Variants in VTA1 observed in about 807,000 individuals in gnomAD.
The protein encoded by VTA1 is vacuolar protein sorting-associated protein VTA1 homolog.
VTA1 carries 24 observed loss-of-function variants against 36.9 expected under a neutral mutation model. That is an observed-to-expected ratio of 0.65 (90% CI 0.47 to 0.91). The LOEUF (loss-of-function observed/expected upper bound fraction) is 0.91, where lower values mean the gene tolerates loss of function less well. Among genes scored for constraint, VTA1 ranks in the 40% least tolerant of loss-of-function variants. The pLI is 0.00. For synonymous variants in VTA1, 142 were observed against 130.2 expected, an observed-to-expected ratio of 1.09 and a Z score of -0.62; for missense variants, 393 against 377.2, an observed-to-expected ratio of 1.04 and a Z score of -0.35.
Position 142,223,185 on chromosome 6 carries a change from G to A in VTA1, c.*4542G>A, listed in dbSNP as rs1776140680. Reference sequence around the variant, plus strand: ...GACAGTGCTAGGCAGTGAACACAGGGTATGAACTTGAAAATCTGATTGCAC... The same window carrying A: ...GACAGTGCTAGGCAGTGAACACAGGATATGAACTTGAAAATCTGATTGCAC... On this transcript the variant is annotated 3_prime_UTR_variant, in exon 8 of 8. Coordinates refer to ENST00000367630, the MANE Select transcript of VTA1 (RefSeq NM_016485.5). The A allele has an allele frequency of 6.6e-6, 1 of 152,132 alleles. No individual in the cohort carries two copies. Among genetic ancestry groups the A allele is most frequent in the Non-Finnish European group, 1.5e-5 (1 of 68,032 alleles). The allele number at this position is 152,132 out of a possible 1,614,324, so 9.4% of individuals were successfully genotyped here.
chr6:142,186,751 G>A (rs1013375069), intron 4 of VTA1, among the ~76,000 whole-genome samples: 2 of 152,042 alleles, frequency 1.3e-5, no homozygotes, highest in Non-Finnish European at 2.9e-5. Flanking sequence ...GCAGATTCTG[G>A]CTAGATTCAT....
intron 7 of VTA1, among the ~76,000 whole-genome samples, chr6:142,211,098 C>T (rs1388690109): frequency 6.6e-6 from 1 of 151,700 alleles, no homozygotes; most frequent in East Asian, 1.9e-4. Flanking sequence ...TTCTCACTCA[C>T]ATGTGGGAGC....
At position 142,147,284 on chromosome 6, in the gene VTA1, A is replaced by T; in HGVS notation, c.-4A>T. The T allele has an allele frequency of 6.2e-7, 1 of 1,614,170 alleles. No homozygotes were observed. Among genetic ancestry groups the T allele is most frequent in the African/African-American group, 1.3e-5 (1 of 75,078 alleles). On this transcript the variant is annotated 5_prime_UTR_variant, in exon 1 of 8. Transcript: ENST00000367630. ...GAGTAGGAAGTGGTGAGTTCGGAGT[A>T]GAGATGGCCGCGCTTGCACCGCTGC...
At chr6:142,149,649 C>A (rs1369883420) in intron 1 of VTA1, among the ~76,000 whole-genome samples, 1 of 152,104 alleles carries the variant, frequency 6.6e-6, no homozygotes, top group Middle Eastern at 3.2e-3. Flanking sequence ...TCTCCCATTT[C>A]AGTTTGATTT....
At position 142,219,309 on chromosome 6, in the gene VTA1, G is replaced by T. The variant is rs1371859257; in HGVS notation, c.*666G>T. The T allele has an allele frequency of 6.6e-6, 1 of 152,190 alleles. No individual in the cohort carries two copies. Among genetic ancestry groups the T allele is most frequent in the Non-Finnish European group, 1.5e-5 (1 of 68,020 alleles). 9.4% of individuals were successfully genotyped at this position (152,190 alleles called of 1,614,324 possible). ...CAAGTGCTTTACCTTATCTGTTAAA[G>T]CGTAAGATGAATTGGTATTTGCTTC... is the stretch of plus-strand genomic sequence containing the variant. On this transcript the variant is annotated 3_prime_UTR_variant, in exon 8 of 8. Transcript: ENST00000367630.
chr6:142,196,679 C>CT (rs1187184448), intron 5 of VTA1, among the ~76,000 whole-genome samples: 1 of 151,738 alleles, frequency 6.6e-6, no homozygotes, highest in Non-Finnish European at 1.5e-5. Flanking sequence ...CTTTAAAGTG[C>CT]TTTTTTGCTG....
At chr6:142,194,437 C>T (rs553835861) in intron 5 of VTA1, among the ~76,000 whole-genome samples, 10 of 152,098 alleles carry the variant, frequency 6.6e-5, no homozygotes, top group South Asian at 2.1e-4. Context: ...TTTCTTTCAG[C>T]GGTATTTTAG....
intron 4 of VTA1, among the ~76,000 whole-genome samples, chr6:142,174,867 G>C (rs886769565): frequency 6.6e-6 from 1 of 152,128 alleles, no homozygotes; most frequent in Admixed American, 6.6e-5. Context: ...CTTGCGACAC[G>C]CTGGCTTCCT....
intron 5 of VTA1, among the ~76,000 whole-genome samples, chr6:142,197,918 C>CAA (rs1379077511): frequency 1.2e-4 from 11 of 91,634 alleles, no homozygotes; most frequent in South Asian, 3.6e-4. Context: ...ACTAAAAATA[C>CAA]AAAAAAAAAA....
intron 7 of VTA1, among the ~76,000 whole-genome samples, chr6:142,212,903 C>G (rs1225410811): frequency 6.6e-6 from 1 of 152,182 alleles, no homozygotes; most frequent in Admixed American, 6.5e-5. Context: ...TTCAATTCAA[C>G]ATGAGGTTTG....
rs1341354519 is a variant in VTA1 at position 142,222,134 on chromosome 6, G to T, written c.*3491G>T. ...ATGTGAGGTACGAACATAAGAGAAG[G>T]AGTAAAGGTTGACTCCAGATTTTTC... On this transcript the variant is annotated 3_prime_UTR_variant, in exon 8 of 8. Transcript: ENST00000367630. The T allele has an allele frequency of 2.6e-5, 4 of 152,090 alleles. No individual in the cohort carries two copies. The highest frequency in any genetic ancestry group is 9.7e-5 in the African/African-American group (4 of 41,406). 9.4% of individuals were successfully genotyped at this position (152,090 alleles called of 1,614,324 possible).
At chr6:142,187,466 G>A (rs28695272) in intron 4 of VTA1, among the ~76,000 whole-genome samples, 33 of 152,330 alleles carry the variant, frequency 2.2e-4, no homozygotes, top group African/African-American at 7.7e-4. Context: ...ACAGGCTGAC[G>A]CATGTGGGCT....
chr6:142,154,037 A>C lies in VTA1; in HGVS notation c.112+6638A>C, dbSNP rs186438701. Among the ~76,000 whole-genome samples the C allele has an allele frequency of 6.3e-3, 951 of 152,030 alleles. 11 individuals are homozygous for C. Among genetic ancestry groups the C allele is most frequent in the African/African-American group, 0.021 (886 of 41,528 alleles). ...TACATGTATTTGTGTGTGTGTGTGTATATTTAGTTCTAAACAGCTTTGTCA... is the reference window on the plus strand; with the variant it reads ...TACATGTATTTGTGTGTGTGTGTGTCTATTTAGTTCTAAACAGCTTTGTCA... On this transcript the variant is annotated intron_variant, in intron 1 of 7. Transcript: ENST00000367630.
At chr6:142,198,113 A>ATGTGTGTGTGTGTGTGTG (rs1414329840) in intron 5 of VTA1, among the ~76,000 whole-genome samples, 3 of 116,964 alleles carry the variant, frequency 2.6e-5, no homozygotes, top group African/African-American at 1.1e-4. Context: ...AAATATATAT[A>ATGTGTGTGTGTGTGTGTG]TATATATGTG....
chr6:142,169,335 A>G (rs1214784630), intron 2 of VTA1, among the ~76,000 whole-genome samples: 1 of 152,184 alleles, frequency 6.6e-6, no homozygotes, highest in Admixed American at 6.5e-5. Flanking sequence ...TCAGTTTATC[A>G]TAAGTGTGTT....
chr6:142,164,410 C>T (rs939214094), intron 1 of VTA1, among the ~76,000 whole-genome samples: 2 of 151,394 alleles, frequency 1.3e-5, no homozygotes, highest in African/African-American at 4.9e-5. Context: ...CTAGATGGAT[C>T]GAATTCTTAA....
chr6:142,157,630 G>A lies in VTA1; in HGVS notation c.113-8598G>A, dbSNP rs537558848. Among the ~76,000 whole-genome samples, 13 of 152,088 alleles carry A rather than the reference G, an allele frequency of 8.5e-5. No individual in the cohort carries two copies. The East Asian group carries it at 1.9e-3, about 23-fold the overall frequency. On this transcript the variant is annotated intron_variant, in intron 1 of 7. Transcript: ENST00000367630. ...TCATTTCTTTTTTGGCATTCATACA[G>A]GTTTAAGCATCTTTGATAAGGTTTG... is the stretch of plus-strand genomic sequence containing the variant.
In VTA1 at chr6:142,170,403, T is replaced by G. The variant is rs200664533; in HGVS notation, c.393T>G (p.Phe131Leu). Residue 131 changes from phenylalanine (F) to leucine (L), a missense_variant, in exon 4 of 8, where the codon TTT (phenylalanine) becomes TTG (leucine). Transcript: ENST00000367630. The stretch of plus-strand genomic sequence containing the variant: ...TTTTGATAGATGTCATAACAGTATT[T>G]GGAGAACTCACTGATGAAGTGAGTG... ...ASLLIDVITV[F>L]GELTDENVKH... 246 of 1,603,662 alleles carry G rather than the reference T, an allele frequency of 1.5e-4. 4 individuals carry two copies. The South Asian group carries it at 2.6e-3, about 17-fold the overall frequency.
intron 1 of VTA1, 118 bp downstream of exon 1, chr6:142,147,517 C>A (rs1381063044): frequency 3.8e-6 from 4 of 1,056,524 alleles, no homozygotes; most frequent in Admixed American, 2.1e-5. Context: ...GAGCTTTGAC[C>A]TCGAGCCTAC....
Sources: gnomAD v4.1 joint callset for allele counts (sites outside exome capture counted in the v4.1 genomes callset) on GRCh38, gnomAD v4.1.1 for gene constraint, MANE v1.5 for transcripts, NCBI Gene and HGNC (gene_info 2026-07-23, HGNC 2026-07-21) for gene names.